Variants in TRPS1 observed in about 807,000 individuals in gnomAD.
TRPS1 encodes the protein transcriptional repressor GATA binding 1.
TRPS1 carries 6 observed loss-of-function variants against 101.2 expected under a neutral mutation model. The ratio of observed to expected loss-of-function variants is 0.06; its 90% CI spans 0.03 to 0.12. The LOEUF (loss-of-function observed/expected upper bound fraction) is 0.12, where lower values mean the gene tolerates loss of function less well. Among genes scored for constraint, TRPS1 ranks in the 10% least tolerant of loss-of-function variants. The probability of loss-of-function intolerance (pLI) is 1.00; values close to 1 mark genes in which losing one functional copy is unlikely to be tolerated. For synonymous variants in TRPS1, 578 were observed against 589.8 expected (o/e 0.98, Z 0.29); for missense variants, 1,363 against 1,567.0 (o/e 0.87, Z 2.20).
intron 5 of TRPS1, among the ~76,000 whole-genome samples, chr8:115,439,251 T>C (rs1198473358): frequency 1.3e-5 from 2 of 152,216 alleles, no homozygotes; most frequent in African/African-American, 4.8e-5. Context: ...CACTGTCGTT[T>C]ACAGTGATGC....
At chr8:115,471,713 C>T (rs980896625) in intron 5 of TRPS1, among the ~76,000 whole-genome samples, 2 of 152,200 alleles carry the variant, frequency 1.3e-5, no homozygotes, top group African/African-American at 2.4e-5. Context: ...AAGCTAGTTA[C>T]TTCCTAGATA....
At chr8:115,528,269 T>C (rs994536682) in intron 5 of TRPS1, among the ~76,000 whole-genome samples, 22 of 152,078 alleles carry the variant, frequency 1.4e-4, no homozygotes, top group Non-Finnish European at 2.6e-4. Flanking sequence ...TATAAGATTA[T>C]TGTGTACCTA....
intron 1 of TRPS1, among the ~76,000 whole-genome samples, chr8:115,663,943 C>A (rs975015684): frequency 3.3e-5 from 5 of 151,756 alleles, no homozygotes; most frequent in African/African-American, 1.2e-4. Flanking sequence ...CATCAGAAAA[C>A]CAAACTAAAG....
intron 1 of TRPS1, among the ~76,000 whole-genome samples, chr8:115,628,830 T>C (rs1818571558): frequency 6.6e-6 from 1 of 151,804 alleles, no homozygotes; most frequent in African/African-American, 2.4e-5. Flanking sequence ...TCCCATAATA[T>C]TAGCTTCAAA....
At position 115,412,264 on chromosome 8, in the gene TRPS1, T is replaced by G. The variant is rs1160703555; in HGVS notation, c.*1759A>C. ...AAAATATTTTCATTTCCTTCTTGTT[T>G]TCCATACCATTATAGCAAGAACTTT... is the stretch of plus-strand genomic sequence containing the variant. On this transcript the variant is annotated 3_prime_UTR_variant, in exon 7 of 7. Coordinates refer to ENST00000395715, the MANE Select transcript of TRPS1 (RefSeq NM_014112.5). The G allele has an allele frequency of 6.6e-6, 1 of 152,510 alleles. No individual in the cohort carries two copies. The highest frequency in any genetic ancestry group is 2.4e-5 in the African/African-American group (1 of 41,446). The allele number at this position is 152,510 out of a possible 1,614,324, so 9.4% of individuals were successfully genotyped here. A position where few individuals can be genotyped will look rare whatever the true frequency, so the allele number is the denominator to read the frequency against.
At chr8:115,420,411 T>C (rs16887448) in intron 5 of TRPS1, among the ~76,000 whole-genome samples, 7,550 of 152,320 alleles carry the variant, frequency 0.05, 683 homozygotes, top group African/African-American at 0.17. Flanking sequence ...CCTGTCATTT[T>C]CCTAGATCTA....
intron 5 of TRPS1, among the ~76,000 whole-genome samples, chr8:115,557,717 C>T (rs1816855917): frequency 6.6e-6 from 1 of 152,136 alleles, no homozygotes; most frequent in South Asian, 2.1e-4. Context: ...ATTACCCAGT[C>T]TTGGATATTT....
chr8:115,619,530 A>C lies in TRPS1; in HGVS notation c.568T>G (p.Leu190Val). The C allele has an allele frequency of 6.2e-7, 1 of 1,614,174 alleles. No homozygotes were observed. Among genetic ancestry groups the C allele is most frequent in the Non-Finnish European group, 8.5e-7 (1 of 1,180,026 alleles). The change falls in exon 3 of 7, where the codon TTG becomes GTG. Residue 190 changes from leucine to valine, a missense_variant. Transcript: ENST00000395715. ...TTTGAGGCCACTGAAACTGGGCTCA[A>C]ACCTTGACAATTGGCTTGACCACTC... ...AQSGQANCQG[L>V]SPVSVASKNP...
intron 5 of TRPS1, among the ~76,000 whole-genome samples, chr8:115,544,204 C>T (rs922361198): frequency 4.7e-5 from 7 of 150,444 alleles, no homozygotes; most frequent in African/African-American, 1.7e-4. Flanking sequence ...TGCAGCCCAT[C>T]ACTAAGTAGC....
chr8:115,449,397 G>A (rs111958299), intron 5 of TRPS1, among the ~76,000 whole-genome samples: 9 of 152,312 alleles, frequency 5.9e-5, no homozygotes, highest in African/African-American at 2.2e-4. Flanking sequence ...GCACTTTGCA[G>A]TTTGGGGAAA....
At chr8:115,472,642 C>T (rs985912331) in intron 5 of TRPS1, among the ~76,000 whole-genome samples, 1 of 152,176 alleles carries the variant, frequency 6.6e-6, no homozygotes, top group Non-Finnish European at 1.5e-5. Context: ...ATTTTCTGAA[C>T]TTTTATGCTC....
intron 4 of TRPS1, among the ~76,000 whole-genome samples, chr8:115,591,565 C>G (rs555335419): frequency 2.0e-5 from 3 of 152,242 alleles, no homozygotes; most frequent in African/African-American, 7.2e-5. Context: ...GGAAAACTCC[C>G]TGACTCCTGG....
chr8:115,625,965 C>T (rs558794729), intron 1 of TRPS1, among the ~76,000 whole-genome samples: 1 of 151,864 alleles, frequency 6.6e-6, no homozygotes, highest in African/African-American at 2.4e-5. Flanking sequence ...CAAAGCTTAA[C>T]ACAAAAAGAA....
intron 5 of TRPS1, among the ~76,000 whole-genome samples, chr8:115,488,123 C>A (rs190918611): frequency 6.6e-6 from 1 of 152,158 alleles, no homozygotes; most frequent in Non-Finnish European, 1.5e-5. Context: ...AAGGCAAAAT[C>A]CTCCACCAGA....
At chr8:115,553,270 G>A (rs1816744030) in intron 5 of TRPS1, among the ~76,000 whole-genome samples, 3 of 151,942 alleles carry the variant, frequency 2.0e-5, no homozygotes, top group Admixed American at 2.0e-4. Flanking sequence ...TACTTGGGCA[G>A]GAATCTTGCA....
In TRPS1 at chr8:115,414,890, C is replaced by T; in HGVS notation, c.3018G>A (p.Gln1006=). The change falls in exon 7 of 7, where the codon CAG becomes CAA. Residue 1006 remains glutamine (Q), a synonymous_variant. Transcript: ENST00000395715. This position sits in a 1 kb window ranked among gnomAD's most constrained non-coding sequence, Gnocchi z 4.8. The part of the protein sequence containing the change: ...RSEDHLTESH[Q]REIPLPSLSK... ...TTAGGCTGGGGAGTGGAATTTCTCT[C>T]TGGTGACTTTCAGTTAGATGATCTT... The T allele has an allele frequency of 6.2e-7, 1 of 1,612,240 alleles. No individual in the cohort carries two copies. Among genetic ancestry groups the T allele is most frequent in the Non-Finnish European group, 8.5e-7 (1 of 1,179,000 alleles).
intron 5 of TRPS1, among the ~76,000 whole-genome samples, chr8:115,536,527 A>AC (rs1404094856): frequency 6.6e-6 from 1 of 151,820 alleles, no homozygotes; most frequent in Non-Finnish European, 1.5e-5. Flanking sequence ...CGTCTCAAAA[A>AC]AAAAAAAAAA....
chr8:115,481,180 C>G (rs1814742068), intron 5 of TRPS1, among the ~76,000 whole-genome samples: 1 of 151,576 alleles, frequency 6.6e-6, no homozygotes, highest in Non-Finnish European at 1.5e-5. Context: ...GACTTGTTTG[C>G]CCGTTTACAG....
chr8:115,416,480 T>C (rs920589355), intron 6 of TRPS1, among the ~76,000 whole-genome samples: 5 of 149,618 alleles, frequency 3.3e-5, no homozygotes, highest in South Asian at 2.1e-4. Context: ...AATTTAACTT[T>C]ATAAATTATA....
Sources: allele counts gnomAD v4.1 joint callset (sites outside exome capture counted in the v4.1 genomes callset), GRCh38; gene constraint gnomAD v4.1.1; non-coding constraint Gnocchi (gnomAD v3.1); transcripts MANE v1.5; gene names NCBI Gene and HGNC (gene_info 2026-07-23, HGNC 2026-07-21).